The following TFAP2D variants were observed in gnomAD, a reference collection of about 807,000 sequenced individuals.
TFAP2D encodes transcription factor AP-2 delta.
A neutral mutation model predicts 43.6 loss-of-function variants in TFAP2D; 9 were observed. The ratio of observed to expected loss-of-function variants is 0.21; its 90% CI spans 0.12 to 0.36. TFAP2D has a LOEUF of 0.36. Among genes scored for constraint, TFAP2D ranks in the 10% least tolerant of loss-of-function variants. TFAP2D has a pLI of 1.00. For synonymous variants in TFAP2D, 256 were observed against 224.9 expected (o/e 1.14, Z -1.24); for missense variants, 513 against 561.4 (o/e 0.91, Z 0.87).
At chr6:50,716,491 G>A (rs1768630384) in intron 2 of TFAP2D, among the ~76,000 whole-genome samples, 1 of 152,090 alleles carries the variant, frequency 6.6e-6, no homozygotes, top group African/African-American at 2.4e-5. Flanking sequence ...AAAGAAGAAG[G>A]AAGGAAAGAA....
rs1166334015 is a variant in TFAP2D at position 50,732,972 on chromosome 6, T to A, written c.883+3660T>A. Among the ~76,000 whole-genome samples, 7 of 152,168 alleles carry A rather than the reference T, an allele frequency of 4.6e-5. No homozygotes were observed. In the East Asian group the frequency reaches 1.4e-3, roughly 29 times the overall value. ...TAGAGCCATTATTCTTAGAAATCAT[T>A]TTAGGGATGTATAAGATAGGGTTAT... On this transcript the variant is annotated intron_variant, in intron 5 of 7. Coordinates refer to ENST00000008391, the MANE Select transcript of TFAP2D (RefSeq NM_172238.4).
chr6:50,721,451 CAAT>C (rs1486822294), intron 3 of TFAP2D, among the ~76,000 whole-genome samples: 3 of 152,134 alleles, frequency 2.0e-5, no homozygotes, highest in Admixed American at 6.5e-5. Flanking sequence ...ATGTTCATGT[CAAT>C]TTACAAGTGG....
At chr6:50,770,717 A>C (rs1354326884) in intron 7 of TFAP2D, among the ~76,000 whole-genome samples, 1 of 152,128 alleles carries the variant, frequency 6.6e-6, no homozygotes, top group African/African-American at 2.4e-5. Context: ...AAATATTATT[A>C]TTTTTGCTGT....
chr6:50,758,448 T>C (rs1253758987), intron 7 of TFAP2D, among the ~76,000 whole-genome samples: 1 of 151,976 alleles, frequency 6.6e-6, no homozygotes, highest in Admixed American at 6.6e-5. Context: ...ACAGAGTTAC[T>C]TTCATCCTGG....
intron 5 of TFAP2D, among the ~76,000 whole-genome samples, chr6:50,730,684 T>C (rs1399442328): frequency 6.6e-6 from 1 of 152,120 alleles, no homozygotes; most frequent in Non-Finnish European, 1.5e-5. Flanking sequence ...CGAGTAGTTC[T>C]CAAACCCAAC....
At chr6:50,752,495 C>G (rs900333407) in intron 7 of TFAP2D, among the ~76,000 whole-genome samples, 2 of 151,754 alleles carry the variant, frequency 1.3e-5, no homozygotes, top group African/African-American at 4.8e-5. Context: ...GCTTTCAATA[C>G]CTGTCAAAAA....
rs559490874 is a variant in TFAP2D at position 50,722,487 on chromosome 6, T to C, written c.598+3337T>C. 2.0e-5 allele frequency among the ~76,000 whole-genome samples: 3 copies of C among 152,188 alleles called. No homozygotes were observed. In the East Asian group the frequency reaches 5.8e-4, roughly 29 times the overall value. On this transcript the variant is annotated intron_variant, in intron 3 of 7. Transcript: ENST00000008391. ...AGGAGTCGTCTGTGTTTTTAATCAT[T>C]AAAAAAAGAAAGAAAATCTCACTCT... is the stretch of plus-strand genomic sequence containing the variant.
intron 3 of TFAP2D, among the ~76,000 whole-genome samples, chr6:50,719,447 G>GAGAAAGAAAGAAAGAAAGAA (rs531796279): frequency 1.5e-4 from 20 of 131,786 alleles, no homozygotes; most frequent in East Asian, 4.8e-4. Context: ...AAAAGACAGA[G>GAGAAAGAAAGAAAGAAAGAA]AGAAAGAAAG....
chr6:50,729,325 A>G lies in TFAP2D; in HGVS notation c.883+13A>G, dbSNP rs767076961. 10 of 1,606,540 alleles carry G rather than the reference A, an allele frequency of 6.2e-6. No homozygotes were observed. The highest frequency in any genetic ancestry group is 8.5e-6 in the Non-Finnish European group (10 of 1,174,486). On this transcript the variant is annotated intron_variant, in intron 5 of 7. Coordinates refer to ENST00000008391, the MANE Select transcript of TFAP2D (RefSeq NM_172238.4). Reference sequence around the variant, plus strand: ...TCCTTGGTTGAAGGTATGACTTTTCAGTTTAGCAAAATAATGCTGGAAGGT... The same window carrying G: ...TCCTTGGTTGAAGGTATGACTTTTCGGTTTAGCAAAATAATGCTGGAAGGT...
rs756652729 is a variant in TFAP2D, at chr6:50,728,896, T to C, written c.639T>C (p.Ser213=). 6.2e-7 allele frequency: 1 copy of C among 1,614,090 alleles called. No individual in the cohort carries two copies. Among genetic ancestry groups the C allele is most frequent in the South Asian group, 1.1e-5 (1 of 91,076 alleles). Residue 213 remains serine (S), a synonymous_variant, in exon 4 of 8, where the codon TCT becomes TCC. Coordinates refer to ENST00000008391, the MANE Select transcript of TFAP2D (RefSeq NM_172238.4). ...TCAACCCCACAGACTTATTTTGCTC[T>C]GTCCCTGGCCGTTTGTCCCTTCTTA... ...CVVNPTDLFC[S]VPGRLSLLSS...
At chr6:50,770,809 A>G (rs1039527467) in intron 7 of TFAP2D, among the ~76,000 whole-genome samples, 24 of 152,172 alleles carry the variant, frequency 1.6e-4, no homozygotes, top group African/African-American at 5.8e-4. Context: ...AAAAACTACT[A>G]ATGTCATAAT....
intron 5 of TFAP2D, among the ~76,000 whole-genome samples, chr6:50,731,226 C>T (rs1050125003): frequency 6.6e-6 from 1 of 152,106 alleles, no homozygotes; most frequent in Non-Finnish European, 1.5e-5. Context: ...TCAGAGATAG[C>T]TATCAGCCTT....
chr6:50,738,718 A>G (rs1346882847), intron 5 of TFAP2D, among the ~76,000 whole-genome samples: 1 of 152,162 alleles, frequency 6.6e-6, no homozygotes, highest in Non-Finnish European at 1.5e-5. Context: ...TGCTTTTCCA[A>G]TAGGCTGAAG....
Position 50,713,911 on chromosome 6 carries a change from C to A in TFAP2D, c.-145C>A, listed in dbSNP as rs1264828750. 2 of 1,292,830 alleles carry A rather than the reference C, an allele frequency of 1.5e-6. No homozygotes were observed. Among genetic ancestry groups the A allele is most frequent in the Admixed American group, 2.0e-5 (1 of 50,276 alleles). 80.1% of individuals were successfully genotyped at this position (1,292,830 alleles called of 1,614,324 possible). On this transcript the variant is annotated 5_prime_UTR_variant, in exon 1 of 8. Coordinates refer to ENST00000008391, the MANE Select transcript of TFAP2D (RefSeq NM_172238.4). ...GAGGCAAGGAGCTATCTGATCCGGG[C>A]AAAACCATTACAATTTAGATATCTA...
At chr6:50,719,447 GAGAAAGAAAGAAAGAAAGAA>G (rs531796279) in intron 3 of TFAP2D, among the ~76,000 whole-genome samples, 34 of 131,786 alleles carry the variant, frequency 2.6e-4, no homozygotes, top group African/African-American at 6.0e-4. Flanking sequence ...AAAAGACAGA[GAGAAAGAAAGAAAGAAAGAA>G]AGAAAGAAAG....
chr6:50,752,243 T>C (rs979570298), intron 7 of TFAP2D, among the ~76,000 whole-genome samples: 15 of 151,950 alleles, frequency 9.9e-5, no homozygotes, highest in Non-Finnish European at 1.8e-4. Context: ...AAGAAATGTA[T>C]TATTGGAAGC....
chr6:50,749,524 A>G (rs967640192), intron 6 of TFAP2D, among the ~76,000 whole-genome samples: 5 of 151,932 alleles, frequency 3.3e-5, no homozygotes, highest in African/African-American at 1.2e-4. Context: ...CCTACCATAC[A>G]GTAATTTGGA....
intron 7 of TFAP2D, among the ~76,000 whole-genome samples, chr6:50,768,065 A>G (rs1769468543): frequency 6.6e-6 from 1 of 152,206 alleles, no homozygotes; most frequent in Admixed American, 6.5e-5. Context: ...TCTCATCAGT[A>G]ATCTGGTGAA....
chr6:50,741,266 C>T (rs1769041270), intron 5 of TFAP2D, among the ~76,000 whole-genome samples: 1 of 152,146 alleles, frequency 6.6e-6, no homozygotes, highest in Non-Finnish European at 1.5e-5. Flanking sequence ...TCCACCTACA[C>T]ACCCATGTAC....
Sources: allele counts gnomAD v4.1 joint callset (sites outside exome capture counted in the v4.1 genomes callset), GRCh38; gene constraint gnomAD v4.1.1; transcripts MANE v1.5; gene names NCBI Gene and HGNC (gene_info 2026-07-23, HGNC 2026-07-21).